DNAH12: variants seen among roughly 807,000 people sequenced by gnomAD.
The protein encoded by DNAH12 is dynein axonemal heavy chain 12.
Under a neutral mutation model 371.5 loss-of-function variants are expected in DNAH12, and 285 were observed. The ratio of observed to expected loss-of-function variants is 0.77; its 90% CI spans 0.70 to 0.85. The LOEUF is 0.85. DNAH12 is among the 40% of genes least tolerant of loss of function. The probability of loss-of-function intolerance (pLI) is 0.00; values close to 1 mark genes in which losing one functional copy is unlikely to be tolerated. For synonymous variants in DNAH12, 1,200 were observed against 1,213.0 expected (o/e 0.99, Z 0.22); for missense variants, 3,611 against 3,689.4 (o/e 0.98, Z 0.55).
At chr3:57,407,281 GAA>G (rs35245549) in intron 40 of DNAH12, among the ~76,000 whole-genome samples, 45 of 133,556 alleles carry the variant, frequency 3.4e-4, no homozygotes, top group South Asian at 4.8e-4. Flanking sequence ...TTCAAAGACA[GAA>G]AAAAAAAAAA....
chr3:57,319,028 C>T (rs1409025191), intron 65 of DNAH12, among the ~76,000 whole-genome samples: 2 of 152,044 alleles, frequency 1.3e-5, no homozygotes, highest in Non-Finnish European at 2.9e-5. Flanking sequence ...ATGTTCATGT[C>T]TTCTTTAACT....
At chr3:57,314,420 T>C in intron 66 of DNAH12, 74 bp downstream of exon 66, 1 of 1,531,316 alleles carries the variant, frequency 6.5e-7, no homozygotes, top group South Asian at 1.2e-5. Context: ...GAATCAGCTA[T>C]TCCAAGCAAA....
At chr3:57,447,525 G>A (rs1257167139) in intron 25 of DNAH12, among the ~76,000 whole-genome samples, 2 of 152,124 alleles carry the variant, frequency 1.3e-5, no homozygotes, top group African/African-American at 2.4e-5. Flanking sequence ...TCTTAATTTT[G>A]CTATGAACCT....
intron 15 of DNAH12, among the ~76,000 whole-genome samples, chr3:57,471,046 T>C (rs950889495): frequency 6.6e-6 from 1 of 152,112 alleles, no homozygotes; most frequent in Non-Finnish European, 1.5e-5. Context: ...AACATAACTA[T>C]GATTGAGAGC....
At chr3:57,469,293 G>A (rs1171214007) in intron 16 of DNAH12, among the ~76,000 whole-genome samples, 3 of 152,138 alleles carry the variant, frequency 2.0e-5, no homozygotes, top group Non-Finnish European at 2.9e-5. Flanking sequence ...CCATCAGCCA[G>A]AATGGCTATT....
chr3:57,369,637 C>T (rs1467873992), intron 55 of DNAH12, among the ~76,000 whole-genome samples: 2 of 152,026 alleles, frequency 1.3e-5, no homozygotes, highest in Non-Finnish European at 2.9e-5. Flanking sequence ...TCTACTTTTC[C>T]TACCACAGCA....
rs1447390213 is a variant in DNAH12, at chr3:57,366,808, T to C, written c.9088A>G (p.Lys3030Glu). 2.6e-5 allele frequency: 4 copies of C among 152,214 alleles called. No individual in the cohort carries two copies. The highest frequency in any genetic ancestry group is 9.7e-5 in the African/African-American group (4 of 41,450). 9.4% of individuals were successfully genotyped at this position (152,214 alleles called of 1,614,324 possible). Residue 3030 changes from lysine to glutamate, a missense_variant, in exon 57 of 74, where the codon AAA becomes GAA. Coordinates refer to ENST00000495027, the MANE Select transcript of DNAH12 (RefSeq NM_001366028.2). The stretch of plus-strand genomic sequence containing the variant: ...ATCATGAAATTGAGCAAAGACACTT[T>C]TGTAGCCAGTTCTGGCATATAGTGC... ...NPHYMPELAT[K>E]VSLLNFMITP...
intron 59 of DNAH12, among the ~76,000 whole-genome samples, chr3:57,354,481 C>A (rs1171520549): frequency 1.3e-5 from 2 of 150,442 alleles, no homozygotes; most frequent in African/African-American, 2.5e-5. Flanking sequence ...TGCACATGTA[C>A]CCCTGAATGT....
chr3:57,379,376 A>G (rs2063341220), intron 51 of DNAH12, 78 bp from the exon 52 acceptor site: 1 of 152,236 alleles, frequency 6.6e-6, no homozygotes, highest in African/African-American at 2.4e-5. Flanking sequence ...CATATACAAT[A>G]AAAACATTTA....
Position 57,542,732 on chromosome 3 carries a change from T to C in DNAH12, c.139A>G (p.Lys47Glu). Residue 47 changes from lysine (K) to glutamate (E), a missense_variant, in exon 2 of 74, where the codon AAG (lysine) becomes GAG (glutamate). Physicochemically the swap from Lys to Glu is moderately conservative, Grantham distance 56. Coordinates refer to ENST00000495027, the MANE Select transcript of DNAH12 (RefSeq NM_001366028.2). Reference protein sequence around the residue: ...QSKLLKYRRSKEQQQKINQLV... With the variant: ...QSKLLKYRRSEEQQQKINQLV... ...TGATTAATTTTCTGCTGCTGCTCCT[T>C]GGATCTTCTGTATTTTAGCAGCTTA... The C allele has an allele frequency of 2.5e-6, 4 of 1,606,500 alleles. No homozygotes were observed. The highest frequency in any genetic ancestry group is 3.4e-6 in the Non-Finnish European group (4 of 1,176,672).
At chr3:57,446,712 A>G in intron 25 of DNAH12, 23 bp from the exon 26 acceptor site, 1 of 1,468,512 alleles carries the variant, frequency 6.8e-7, no homozygotes, top group Non-Finnish European at 9.1e-7. Context: ...ACACATGTGA[A>G]AAGAAATCCA....
At chr3:57,542,986 A>C in intron 1 of DNAH12, 83 bp from the exon 2 acceptor site, 1 of 1,055,930 alleles carries the variant, frequency 9.5e-7, no homozygotes, top group Non-Finnish European at 1.3e-6. Context: ...TCAATACCAA[A>C]AGTAAAATTC....
the DNAH12 span, among the ~76,000 whole-genome samples, chr3:57,554,021 C>A: frequency 1.3e-5 from 2 of 151,620 alleles, no homozygotes; most frequent in African/African-American, 4.9e-5. Flanking sequence ...GACAGGGTTT[C>A]ACCATGTTTA....
At chr3:57,440,605 T>C (rs2065272256) in intron 29 of DNAH12, among the ~76,000 whole-genome samples, 1 of 152,182 alleles carries the variant, frequency 6.6e-6, no homozygotes, top group Admixed American at 6.5e-5. Flanking sequence ...ATGGTATCAA[T>C]AATACCTCAA....
rs2064284579 is a variant in DNAH12, at chr3:57,413,922, G to A, written c.5854-10C>T. The A allele has an allele frequency of 6.5e-7, 1 of 1,547,580 alleles. No homozygotes were observed. Among genetic ancestry groups the A allele is most frequent in the Non-Finnish European group, 8.7e-7 (1 of 1,145,360 alleles). On this transcript the variant is annotated splice_polypyrimidine_tract_variant and intron_variant, in intron 38 of 73. Transcript: ENST00000495027. ...TAGCCATGATAATGTTCTAAAATAT[G>A]AAGGAAGAATGGTATATTTACCTAT...
chr3:57,509,178 C>T lies in DNAH12; in HGVS notation c.504G>A (p.Ser168=), dbSNP rs150553536. 11 of 1,613,516 alleles carry T rather than the reference C, an allele frequency of 6.8e-6. No homozygotes were observed. Among genetic ancestry groups the T allele is most frequent in the African/African-American group, 2.7e-5 (2 of 74,838 alleles). Residue 168 remains serine (S), a synonymous_variant, in exon 6 of 74, where the codon TCG becomes TCA. Transcript: ENST00000495027. ...QSVLVKPPVK[S]LEDEGGPLPE... ...GTAAAGGACCTCCTTCATCTTCAAG[C>T]GATTTAACTGGTGGTTTCACAAGAA...
At chr3:57,424,437 C>G (rs912228756) in intron 35 of DNAH12, among the ~76,000 whole-genome samples, 1 of 145,348 alleles carries the variant, frequency 6.9e-6, no homozygotes, top group African/African-American at 2.6e-5. Context: ...CACCACTGCA[C>G]TCCAGCCTGG....
chr3:57,296,521 A>T, intron 71 of DNAH12, 86 bp from the exon 72 acceptor site: 1 of 1,037,122 alleles, frequency 9.6e-7, no homozygotes, highest in Non-Finnish European at 1.4e-6. Flanking sequence ...TTCAGAACAC[A>T]TTCAGGGAAA....
At chr3:57,297,534 C>T (rs2061258038) in intron 70 of DNAH12, among the ~76,000 whole-genome samples, 2 of 151,682 alleles carry the variant, frequency 1.3e-5, no homozygotes, top group African/African-American at 4.8e-5. Flanking sequence ...TTTTGTATTT[C>T]TAGTAGAGAT....
Sources: allele counts gnomAD v4.1 joint callset (sites outside exome capture counted in the v4.1 genomes callset), GRCh38; gene constraint gnomAD v4.1.1; transcripts MANE v1.5; gene names NCBI Gene and HGNC (gene_info 2026-07-23, HGNC 2026-07-21).